Variants in IQSEC1 observed in about 807,000 individuals in gnomAD.
IQSEC1 encodes IQ motif and Sec7 domain ArfGEF 1, also known as IQ motif and SEC7 domain-containing protein 1.
IQSEC1 carries 31 observed loss-of-function variants against 91.0 expected under a neutral mutation model. The ratio of observed to expected loss-of-function variants is 0.34; its 90% CI spans 0.26 to 0.46. The LOEUF is 0.46. Among genes scored for constraint, IQSEC1 ranks in the 20% least tolerant of loss-of-function variants. IQSEC1 has a pLI of 1.00. For synonymous variants in IQSEC1, 699 were observed against 662.6 expected (o/e 1.05, Z -0.84); for missense variants, 1,388 against 1,575.6 (o/e 0.88, Z 2.02).
intron 1 of IQSEC1, among the ~76,000 whole-genome samples, chr3:12,943,448 A>G (rs558302251): frequency 1.6e-4 from 25 of 152,332 alleles, no homozygotes; most frequent in African/African-American, 4.8e-4. Context: ...AGTTTCCAAC[A>G]CAACATCCAG....
intron 2 of IQSEC1, among the ~76,000 whole-genome samples, chr3:13,121,789 C>T (rs1430371186): frequency 6.6e-6 from 1 of 152,188 alleles, no homozygotes; most frequent in African/African-American, 2.4e-5. Flanking sequence ...CAGGGCGGCC[C>T]CCAGGATGGG....
At chr3:12,920,644 A>AC in intron 5 of IQSEC1, 48 bp from the exon 6 acceptor site, 2 of 1,590,348 alleles carry the variant, frequency 1.3e-6, no homozygotes, top group Non-Finnish European at 1.7e-6. Context: ...AGCAAGTGAC[A>AC]CGGCCCCTCT....
intron 1 of IQSEC1, among the ~76,000 whole-genome samples, chr3:13,044,899 G>T (rs766764022): frequency 1.3e-5 from 2 of 152,254 alleles, no homozygotes; most frequent in Non-Finnish European, 2.9e-5. Context: ...GCACAAAAAG[G>T]GCACAGAGTT....
chr3:13,192,865 G>C (rs1429134930), intron 1 of IQSEC1, among the ~76,000 whole-genome samples: 1 of 152,252 alleles, frequency 6.6e-6, no homozygotes, highest in Non-Finnish European at 1.5e-5. Flanking sequence ...CTGCTTTGCA[G>C]ATTCACCTTG....
chr3:12,957,667 G>A (rs1422528474), intron 1 of IQSEC1, among the ~76,000 whole-genome samples: 2 of 152,234 alleles, frequency 1.3e-5, no homozygotes, highest in Non-Finnish European at 2.9e-5. Flanking sequence ...TCGCGCAGAA[G>A]GCCTTCCTCA....
At chr3:13,181,257 C>A (rs189266568) in intron 1 of IQSEC1, among the ~76,000 whole-genome samples, 1 of 151,934 alleles carries the variant, frequency 6.6e-6, no homozygotes. Context: ...GGCGACAGAG[C>A]GAGACTCCGT....
At chr3:13,096,748 A>G (rs2125148327) in intron 2 of IQSEC1, among the ~76,000 whole-genome samples, 2 of 152,268 alleles carry the variant, frequency 1.3e-5, no homozygotes, top group East Asian at 3.9e-4. Context: ...CGCTTGAAGG[A>G]GGCACAGAAG....
At chr3:12,944,153 G>A (rs1375749633) in intron 1 of IQSEC1, among the ~76,000 whole-genome samples, 1 of 152,180 alleles carries the variant, frequency 6.6e-6, no homozygotes, top group Non-Finnish European at 1.5e-5. Context: ...GCCCTCTGAG[G>A]AACACCACCC....
intron 1 of IQSEC1, among the ~76,000 whole-genome samples, chr3:13,204,512 C>A (rs997310038): frequency 6.6e-6 from 1 of 152,264 alleles, no homozygotes; most frequent in Non-Finnish European, 1.5e-5. Context: ...AGGCCGGGGC[C>A]GCCCACCGCT....
At chr3:12,961,607 T>C (rs1700245816) in intron 1 of IQSEC1, among the ~76,000 whole-genome samples, 1 of 152,184 alleles carries the variant, frequency 6.6e-6, no homozygotes, top group Admixed American at 6.5e-5. Flanking sequence ...ACCCCTCTCT[T>C]TTAACCCTGG....
intron 1 of IQSEC1, among the ~76,000 whole-genome samples, chr3:13,268,610 G>A (rs779312570): frequency 1.3e-5 from 2 of 151,970 alleles, no homozygotes; most frequent in African/African-American, 4.8e-5. Context: ...TCCGTAAAAG[G>A]GCCCACCAAA....
intron 1 of IQSEC1, among the ~76,000 whole-genome samples, chr3:13,177,353 C>A: frequency 6.6e-6 from 1 of 152,252 alleles, no homozygotes; most frequent in East Asian, 1.9e-4. Flanking sequence ...CACCCCATCC[C>A]CATGCTGGGT....
intron 5 of IQSEC1, among the ~76,000 whole-genome samples, 165 bp from the exon 6 acceptor site, chr3:12,920,761 C>T (rs1023365391): frequency 6.6e-6 from 1 of 152,222 alleles, no homozygotes; most frequent in Non-Finnish European, 1.5e-5. Flanking sequence ...ACTTGCCCTC[C>T]TCACTCTACT....
In IQSEC1 at chr3:12,924,217, C is replaced by T. The variant is rs1487319455; in HGVS notation, c.1730+364G>A. ...CGTCCAGCTGCCTGCTCCTGCCAGC[C>T]CTGCCATGAGAAGCTGCAGGAACAT... On this transcript the variant is annotated intron_variant, in intron 4 of 13. Coordinates refer to ENST00000613206, the MANE Select transcript of IQSEC1 (RefSeq NM_001134382.3). The surrounding 1 kb of genome is among the most constrained non-coding windows in gnomAD (Gnocchi z 6.3). 2.6e-5 allele frequency among the ~76,000 whole-genome samples: 4 copies of T among 152,174 alleles called. No individual in the cohort carries two copies. The highest frequency in any genetic ancestry group is 5.9e-5 in the Non-Finnish European group (4 of 68,030).
chr3:12,967,497 C>A lies in IQSEC1; in HGVS notation c.24-25632G>T. On this transcript the variant is annotated intron_variant, in intron 1 of 13. Transcript: ENST00000613206. The surrounding 1 kb of genome is among the most constrained non-coding windows in gnomAD (Gnocchi z 5.9). ...GCCGGGCCGGGAGCCGGGACCCAGG[C>A]CCAGCAGAGGCCGCCGACTCCCGCC... is the stretch of plus-strand genomic sequence containing the variant. 6.8e-7 allele frequency: 1 copy of A among 1,461,190 alleles called. No individual in the cohort carries two copies. Among genetic ancestry groups the A allele is most frequent in the Non-Finnish European group, 9.0e-7 (1 of 1,112,542 alleles). The allele number at this position is 1,461,190 out of a possible 1,614,324, so 90.5% of individuals were successfully genotyped here.
intron 1 of IQSEC1, among the ~76,000 whole-genome samples, chr3:13,261,889 C>T (rs367724624): frequency 6.6e-5 from 10 of 152,348 alleles, no homozygotes; most frequent in African/African-American, 2.2e-4. Flanking sequence ...GTAAAAATGC[C>T]GTGCTCTGGG....
At chr3:13,075,338 T>C (rs114647363), upstream of IQSEC1, among the ~76,000 whole-genome samples, 3,830 of 152,012 alleles carry the variant, frequency 0.025, 168 homozygotes, top group African/African-American at 0.088. Context: ...CATACGGGGG[T>C]CTCCCATCAA....
intron 12 of IQSEC1, among the ~76,000 whole-genome samples, chr3:12,904,492 G>A (rs1207509816): frequency 6.6e-6 from 1 of 152,224 alleles, no homozygotes; most frequent in Non-Finnish European, 1.5e-5. Flanking sequence ...TTCAGCCAGT[G>A]TGGGAAGAAG....
chr3:13,155,137 A>C (rs1192972639), intron 2 of IQSEC1, among the ~76,000 whole-genome samples: 1 of 152,242 alleles, frequency 6.6e-6, no homozygotes, highest in East Asian at 1.9e-4. Context: ...AGATTATAGC[A>C]GAGATAAACT....
Sources: gnomAD v4.1 joint callset for allele counts (sites outside exome capture counted in the v4.1 genomes callset) on GRCh38, gnomAD v4.1.1 for gene constraint, Gnocchi (gnomAD v3.1) non-coding constraint, MANE v1.5 for transcripts, NCBI Gene and HGNC (gene_info 2026-07-23, HGNC 2026-07-21) for gene names.